The following C16orf92 variants were observed in gnomAD, a reference collection of about 807,000 sequenced individuals.
C16orf92 encodes the protein fertilization-influencing membrane protein 1.
In C16orf92, 14 loss-of-function variants were observed where a neutral mutation model predicts 13.7. The ratio of observed to expected loss-of-function variants is 1.02; its 90% CI spans 0.67 to 1.60. The LOEUF (loss-of-function observed/expected upper bound fraction) is 1.60. C16orf92 is among the 40% of genes most tolerant of loss of function. C16orf92 has a pLI of 0.00. For synonymous variants in C16orf92, 50 were observed against 57.4 expected, an observed-to-expected ratio of 0.87 and a Z score of 0.58; for missense variants, 116 against 139.0, an observed-to-expected ratio of 0.83 and a Z score of 0.83.
chr16:30,026,806 G>A (rs781111663), downstream of C16orf92: 1 of 1,614,158 alleles, frequency 6.2e-7, no homozygotes, highest in Admixed American at 1.7e-5. Flanking sequence ...ATGAAGTAGG[G>A]CACAGCAAAT....
chr16:30,024,832 G>A (rs553038695), downstream of C16orf92: 248 of 254,310 alleles, frequency 9.8e-4, 1 homozygote, highest in Non-Finnish European at 1.2e-3. Flanking sequence ...GCAGCATAGG[G>A]GCTGGGATGG....
rs1447090663 is a variant in C16orf92, at chr16:30,024,264, C to G, written c.*37C>G. The G allele has an allele frequency of 1.2e-6, 2 of 1,605,582 alleles. No homozygotes were observed. Among genetic ancestry groups the G allele is most frequent in the Admixed American group, 1.7e-5 (1 of 59,852 alleles). ...AGGGCTCTGGACTCAACCTGAGCAC[C>G]CACACCCACCTCCTCTCCTGTTGAT... On this transcript the variant is annotated 3_prime_UTR_variant, in exon 4 of 4. Transcript: ENST00000681219.
downstream of C16orf92, chr16:30,027,100 A>G (rs1387878373): frequency 3.4e-6 from 2 of 596,654 alleles, no homozygotes; most frequent in South Asian, 3.0e-5. Flanking sequence ...TAGTCGGGGG[A>G]AAAGAAAAGA....
downstream of C16orf92, chr16:30,026,892 C>T (rs938494452): frequency 5.3e-6 from 8 of 1,514,578 alleles, no homozygotes; most frequent in Admixed American, 7.1e-5. Flanking sequence ...AAGGGGACAC[C>T]AGTGATTGGG....
chr16:30,023,552 C>A, intron 1 of C16orf92, 148 bp downstream of exon 1: 2 of 1,416,306 alleles, frequency 1.4e-6, no homozygotes, highest in East Asian at 2.4e-5. Flanking sequence ...ACCTACCCCC[C>A]AACAACCGCG....
chr16:30,025,945 G>A, downstream of C16orf92: 1 of 742,152 alleles, frequency 1.3e-6, no homozygotes, highest in South Asian at 1.7e-5. The surrounding 1 kb of genome is among the most constrained non-coding windows in gnomAD (Gnocchi z 4.1). Flanking sequence ...AGAACACCTG[G>A]GTGCAGGGCT....
At chr16:30,025,277 G>A (rs1171083487), downstream of C16orf92, 1 of 1,545,190 alleles carries the variant, frequency 6.5e-7, no homozygotes, top group Non-Finnish European at 8.7e-7. The surrounding 1 kb of genome is among the most constrained non-coding windows in gnomAD (Gnocchi z 4.1). Context: ...GTAGAGCTGA[G>A]GGGCCAGGAG....
rs1427181965 is a variant in C16orf92, at chr16:30,023,855, G to A, written c.193G>A (p.Gly65Arg). 8 of 1,613,870 alleles carry A rather than the reference G, an allele frequency of 5.0e-6. No individual in the cohort carries two copies. Among genetic ancestry groups the A allele is most frequent in the Non-Finnish European group, 6.8e-6 (8 of 1,179,776 alleles). ...ARLLAVAQFI[G>R]EKPIVFINSG... ...GCTGCTGGCTGTGGCCCAGTTTATT[G>A]GAGAGAAACCCATCGTGTTCATTAA... Residue 65 changes from glycine (G) to arginine (R), a missense_variant, in exon 2 of 4, where the codon GGA becomes AGA. Gly to Arg is a moderately radical substitution (Grantham distance 125). Transcript: ENST00000681219.
rs763267263 is a variant in C16orf92, at chr16:30,024,486, G to A, written c.*259G>A. On this transcript the variant is annotated 3_prime_UTR_variant, in exon 4 of 4. Transcript: ENST00000681219. ...TGTAAAGCACCTCCCAGGGTCCCCC[G>A]ACCCCAGATTGGAGGAAGCCTTGAG... 3.6e-5 allele frequency: 20 copies of A among 554,628 alleles called. No individual in the cohort carries two copies. Among genetic ancestry groups the A allele is most frequent in the African/African-American group, 5.6e-5 (3 of 53,116 alleles). The allele number at this position is 554,628 out of a possible 1,614,324, so 34.4% of individuals were successfully genotyped here.
At chr16:30,026,914 G>T (rs747245782), downstream of C16orf92, 28 of 1,333,984 alleles carry the variant, frequency 2.1e-5, no homozygotes, top group East Asian at 1.2e-4. Flanking sequence ...TCAGATCTCA[G>T]GGGTCAGCAC....
At chr16:30,026,277 G>A (rs1356079986), downstream of C16orf92, among the ~76,000 whole-genome samples, 2 of 152,146 alleles carry the variant, frequency 1.3e-5, no homozygotes, top group Non-Finnish European at 2.9e-5. Flanking sequence ...GCAGGAGCAG[G>A]TGCATGACTT....
chr16:30,027,705 G>C (rs886073676), downstream of C16orf92: 2 of 453,636 alleles, frequency 4.4e-6, no homozygotes, highest in Non-Finnish European at 8.9e-6. Flanking sequence ...TGGATGAATA[G>C]ACAAGACAGC....
chr16:30,024,892 C>T, downstream of C16orf92: 1 of 371,226 alleles, frequency 2.7e-6, no homozygotes, highest in Non-Finnish European at 4.8e-6. Flanking sequence ...CCCTTGAAAC[C>T]CTGTTGGTGT....
At chr16:30,027,038 G>A (rs2071175025), downstream of C16orf92, 2 of 684,894 alleles carry the variant, frequency 2.9e-6, no homozygotes, top group South Asian at 3.0e-5. Flanking sequence ...ATGGTGCTGG[G>A]ATTCAAACCT....
chr16:30,026,560 C>T, downstream of C16orf92: 1 of 1,540,616 alleles, frequency 6.5e-7, no homozygotes, highest in Non-Finnish European at 8.9e-7. Context: ...CCAGCAGGAC[C>T]AAGGAGCAGG....
At chr16:30,026,939 G>T, downstream of C16orf92, 1 of 1,062,762 alleles carries the variant, frequency 9.4e-7, no homozygotes, top group Non-Finnish European at 1.4e-6. Context: ...GCCCTGGACA[G>T]GAGCGGAGTC....
chr16:30,024,485 C>T lies in C16orf92; in HGVS notation c.*258C>T, dbSNP rs72791208. The stretch of plus-strand genomic sequence containing the variant: ...CTGTAAAGCACCTCCCAGGGTCCCC[C>T]GACCCCAGATTGGAGGAAGCCTTGA... On this transcript the variant is annotated 3_prime_UTR_variant, in exon 4 of 4. Coordinates refer to ENST00000681219, the MANE Select transcript of C16orf92 (RefSeq NM_001109659.2). The T allele has an allele frequency of 0.025, 14,088 of 553,798 alleles. 256 individuals are homozygous for T. Among genetic ancestry groups the T allele is most frequent in the Non-Finnish European group, 0.035 (10,863 of 314,286 alleles). The allele number at this position is 553,798 out of a possible 1,614,324, so 34.3% of individuals were successfully genotyped here.
At chr16:30,023,578 C>T in intron 1 of C16orf92, 149 bp from the exon 2 acceptor site, 1 of 1,482,552 alleles carries the variant, frequency 6.7e-7, no homozygotes. Flanking sequence ...TGTCGTGGTG[C>T]ACCCAGCTGA....
chr16:30,027,118 A>C, downstream of C16orf92: 1 of 555,716 alleles, frequency 1.8e-6, no homozygotes, highest in Non-Finnish European at 3.4e-6. Flanking sequence ...AGACCAGAAG[A>C]TGCCCACAGA....
Sources: gnomAD v4.1 joint callset for allele counts (sites outside exome capture counted in the v4.1 genomes callset) on GRCh38, gnomAD v4.1.1 for gene constraint, Gnocchi (gnomAD v3.1) non-coding constraint, MANE v1.5 for transcripts, NCBI Gene and HGNC (gene_info 2026-07-23, HGNC 2026-07-21) for gene names.